ARMH3: variants seen among roughly 807,000 people sequenced by gnomAD.
ARMH3 encodes the protein armadillo like helical domain containing 3, also known as armadillo-like helical domain-containing protein 3.
A neutral mutation model predicts 99.1 loss-of-function variants in ARMH3; 60 were observed. That is an observed-to-expected ratio of 0.61 (90% CI 0.49 to 0.75). The LOEUF (loss-of-function observed/expected upper bound fraction) is 0.75. Ranked by LOEUF, ARMH3 falls within the 30% of genes least tolerant of loss-of-function variation. The pLI, the probability that ARMH3 is intolerant of heterozygous loss-of-function variation, is 0.00. For missense variants in ARMH3, 679 were observed against 843.1 expected (o/e 0.81, Z 2.41); for synonymous variants, 285 against 292.8 (o/e 0.97, Z 0.27).
intron 23 of ARMH3, among the ~76,000 whole-genome samples, chr10:101,897,833 G>C (rs1049996160): frequency 6.6e-6 from 1 of 152,250 alleles, no homozygotes; most frequent in African/African-American, 2.4e-5. Context: ...ACTTCTGACT[G>C]CAGAAGATAG....
intron 5 of ARMH3, chr10:102,029,368 G>C: frequency 8.1e-7 from 1 of 1,227,792 alleles, no homozygotes; most frequent in South Asian, 1.6e-5. Context: ...ATGTTCTTAA[G>C]AATGTATGAT....
At chr10:101,971,788 T>G (rs906767011) in intron 20 of ARMH3, among the ~76,000 whole-genome samples, 1 of 152,190 alleles carries the variant, frequency 6.6e-6, no homozygotes, top group East Asian at 1.9e-4. Flanking sequence ...AGTAAAGAAC[T>G]ATTTCAGTAT....
intron 2 of ARMH3, among the ~76,000 whole-genome samples, chr10:102,038,773 A>C (rs2067340226): frequency 6.7e-6 from 1 of 150,298 alleles, no homozygotes; most frequent in African/African-American, 2.5e-5. Flanking sequence ...ATAGGGTCTC[A>C]CTCTTGCCCA....
intron 1 of ARMH3, among the ~76,000 whole-genome samples, chr10:102,052,165 A>C (rs2067723387): frequency 6.6e-6 from 1 of 152,094 alleles, no homozygotes; most frequent in South Asian, 2.1e-4. Flanking sequence ...AGCCTCATGA[A>C]CACCACCTAA....
At chr10:101,891,971 G>T (rs1210877067) in intron 23 of ARMH3, among the ~76,000 whole-genome samples, 2 of 151,786 alleles carry the variant, frequency 1.3e-5, no homozygotes, top group Non-Finnish European at 2.9e-5. Context: ...ATTTAGCCAG[G>T]TGTGGTGGCA....
chr10:101,847,476 C>T lies in ARMH3; in HGVS notation c.*52G>A. On this transcript the variant is annotated 3_prime_UTR_variant, in exon 26 of 26. Coordinates refer to ENST00000370033, the MANE Select transcript of ARMH3 (RefSeq NM_024541.3). ...CCTCTCCCCTCGCTCCCCCTCCAGC[C>T]CATGATCCTCATGGGTAAGGGCAGT... 6.4e-7 allele frequency: 1 copy of T among 1,572,088 alleles called. No individual in the cohort carries two copies.
intron 19 of ARMH3, among the ~76,000 whole-genome samples, chr10:101,985,221 T>C (rs891952776): frequency 2.0e-5 from 3 of 148,888 alleles, no homozygotes; most frequent in African/African-American, 7.4e-5. Flanking sequence ...TATGTATATA[T>C]ATACGTATAT....
chr10:102,008,773 G>A (rs2066564866), intron 13 of ARMH3, among the ~76,000 whole-genome samples: 1 of 151,452 alleles, frequency 6.6e-6, no homozygotes, highest in South Asian at 2.1e-4. Flanking sequence ...CACCGTGTTA[G>A]CCAGGATGGT....
At chr10:101,894,775 A>G (rs1454230910) in intron 23 of ARMH3, among the ~76,000 whole-genome samples, 1 of 150,832 alleles carries the variant, frequency 6.6e-6, no homozygotes, top group Non-Finnish European at 1.5e-5. Flanking sequence ...TGGGGGGCTG[A>G]GGCAGGAGAA....
At chr10:101,963,412 C>T (rs1238456125) in intron 20 of ARMH3, among the ~76,000 whole-genome samples, 4 of 152,056 alleles carry the variant, frequency 2.6e-5, no homozygotes, top group African/African-American at 9.7e-5. Context: ...GCTGGGATTA[C>T]AGGTGTGAGC....
chr10:101,936,491 CAAAA>C (rs202009727), intron 23 of ARMH3, among the ~76,000 whole-genome samples: 8 of 56,068 alleles, frequency 1.4e-4, no homozygotes, highest in East Asian at 1.2e-3. Flanking sequence ...GACTCTGTCT[CAAAA>C]AAAAAAAAAA....
At chr10:101,894,460 G>A (rs531104049) in intron 23 of ARMH3, among the ~76,000 whole-genome samples, 18 of 152,260 alleles carry the variant, frequency 1.2e-4, no homozygotes, top group African/African-American at 4.1e-4. Flanking sequence ...GAATTACGTC[G>A]CTTCTCCTTC....
intron 23 of ARMH3, among the ~76,000 whole-genome samples, chr10:101,926,381 C>T (rs1843508287): frequency 6.6e-6 from 1 of 151,864 alleles, no homozygotes; most frequent in South Asian, 2.1e-4. Flanking sequence ...TGTATGTTGT[C>T]CAGGCTAAAC....
At chr10:101,979,562 G>A (rs1222597548) in intron 19 of ARMH3, among the ~76,000 whole-genome samples, 2 of 152,070 alleles carry the variant, frequency 1.3e-5, no homozygotes, top group Non-Finnish European at 2.9e-5. Flanking sequence ...ATTGAAAATG[G>A]TCTAAAATTA....
intron 24 of ARMH3, among the ~76,000 whole-genome samples, chr10:101,850,326 T>C (rs2066566115): frequency 6.6e-6 from 1 of 151,988 alleles, no homozygotes; most frequent in South Asian, 2.1e-4. Context: ...CTCGAACTCC[T>C]GACCTCAGGT....
chr10:101,885,924 G>T (rs933469956), intron 24 of ARMH3, among the ~76,000 whole-genome samples: 1 of 152,170 alleles, frequency 6.6e-6, no homozygotes, highest in Admixed American at 6.5e-5. Flanking sequence ...GAGCGTGGTG[G>T]TGGGTGCCTG....
intron 22 of ARMH3, among the ~76,000 whole-genome samples, chr10:101,940,426 T>C (rs1218568133): frequency 1.3e-5 from 2 of 152,144 alleles, no homozygotes; most frequent in African/African-American, 2.4e-5. Flanking sequence ...ACATAGAGGA[T>C]GGTCATGTGT....
intron 24 of ARMH3, among the ~76,000 whole-genome samples, chr10:101,878,861 G>A (rs553433993): frequency 1.3e-5 from 2 of 151,688 alleles, no homozygotes; most frequent in Admixed American, 1.3e-4. Context: ...AAGTCATCAC[G>A]TCCCTTTAGT....
At chr10:101,924,927 G>A (rs1450229453) in intron 23 of ARMH3, among the ~76,000 whole-genome samples, 1 of 152,144 alleles carries the variant, frequency 6.6e-6, no homozygotes, top group African/African-American at 2.4e-5. Flanking sequence ...CTCGGAGGAG[G>A]AAGTTGCAGT....
Sources: gnomAD v4.1 joint callset for allele counts (sites outside exome capture counted in the v4.1 genomes callset) on GRCh38, gnomAD v4.1.1 for gene constraint, MANE v1.5 for transcripts, NCBI Gene and HGNC (gene_info 2026-07-23, HGNC 2026-07-21) for gene names.